P2RY14: variants seen among roughly 807,000 people sequenced by gnomAD.
The protein encoded by P2RY14 is P2Y purinoceptor 14.
P2RY14 carries 2 observed loss-of-function variants against 0.9 expected under a neutral mutation model. That is an observed-to-expected ratio of 2.16 (90% confidence interval 0.88 to 6.79). P2RY14 has a LOEUF of 6.79. P2RY14 is among the 30% of genes most tolerant of loss of function. The pLI is 0.05. For missense variants in P2RY14, 378 were observed against 400.1 expected (o/e 0.94, Z 0.47); for synonymous variants, 158 against 147.2 (o/e 1.07, Z -0.53).
At chr3:151,237,330 G>A (rs1000519932) in intron 1 of P2RY14, among the ~76,000 whole-genome samples, 18 of 140,036 alleles carry the variant, frequency 1.3e-4, no homozygotes, top group Middle Eastern at 4.2e-3. Flanking sequence ...GAGCCACCAC[G>A]CCTGGCTTTT....
rs1314457024 is a variant in P2RY14, at chr3:151,244,936, T to TATCACCACTGATCCCAC, written c.-132-25311_-132-25295dup. Among the ~76,000 whole-genome samples, 3 of 152,302 alleles carry TATCACCACTGATCCCAC rather than the reference T, an allele frequency of 2.0e-5. No individual in the cohort carries two copies. The South Asian group carries it at 6.2e-4, about 32-fold the overall frequency. On this transcript the variant is annotated intron_variant, in intron 1 of 2. Coordinates refer to ENST00000309170, the MANE Select transcript of P2RY14 (RefSeq NM_014879.4). Reference sequence around the variant, plus strand: ...ACCCAATAAAAAATGATAAAGGGGATATCACCACTGATCCCACAGAAATAC... The same window carrying TATCACCACTGATCCCAC: ...ACCCAATAAAAAATGATAAAGGGGATATCACCACTGATCCCACATCACCACTGATCCCACAGAAATAC...
intron 1 of P2RY14, among the ~76,000 whole-genome samples, chr3:151,238,055 A>G (rs1448944992): frequency 6.6e-6 from 1 of 152,220 alleles, no homozygotes; most frequent in Non-Finnish European, 1.5e-5. Flanking sequence ...GGATCAAATT[A>G]TCGTTTTTTT....
At chr3:151,272,186 C>T (rs1290708108) in intron 1 of P2RY14, among the ~76,000 whole-genome samples, 1 of 152,168 alleles carries the variant, frequency 6.6e-6, no homozygotes, top group Non-Finnish European at 1.5e-5. Flanking sequence ...AAAAGGCTTT[C>T]TGGACAATAG....
At chr3:151,266,529 C>T (rs551048782) in intron 1 of P2RY14, among the ~76,000 whole-genome samples, 4 of 152,296 alleles carry the variant, frequency 2.6e-5, no homozygotes, top group Admixed American at 6.5e-5. Context: ...TTAAAAATCG[C>T]GTTTCAATTT....
At chr3:151,249,644 G>A (rs547597707) in intron 1 of P2RY14, among the ~76,000 whole-genome samples, 2 of 152,248 alleles carry the variant, frequency 1.3e-5, no homozygotes, top group Non-Finnish European at 2.9e-5. Context: ...CTGTTATCCT[G>A]ACACATTTCC....
At chr3:151,219,140 A>T (rs1577007368) in intron 2 of P2RY14, among the ~76,000 whole-genome samples, 1 of 152,192 alleles carries the variant, frequency 6.6e-6, no homozygotes, top group African/African-American at 2.4e-5. Context: ...TCAATGCCAA[A>T]GATTCAATCT....
rs1484301081 is a variant in P2RY14 at position 151,247,600 on chromosome 3, C to A, written c.-132-27958G>T. ...ACACAGGAAGGGGAATATCACACTC[C>A]GGGGACTGTTGTGGGGTCGGGGAGG... is the stretch of plus-strand genomic sequence containing the variant. On this transcript the variant is annotated intron_variant, in intron 1 of 2. Transcript: ENST00000309170. Among the ~76,000 whole-genome samples the A allele has an allele frequency of 3.4e-5, 3 of 88,316 alleles. No homozygotes were observed. In the Admixed American group the frequency reaches 4.5e-4, roughly 13 times the overall value. 57.9% of individuals were successfully genotyped at this position (88,316 alleles called of 152,430 possible).
intron 1 of P2RY14, among the ~76,000 whole-genome samples, chr3:151,263,305 T>A (rs1739245725): frequency 6.6e-6 from 1 of 152,090 alleles, no homozygotes; most frequent in African/African-American, 2.4e-5. Context: ...CTCCCCAGAG[T>A]GTCTTAAACT....
chr3:151,231,242 A>G (rs1054168096), intron 1 of P2RY14, among the ~76,000 whole-genome samples: 1 of 152,238 alleles, frequency 6.6e-6, no homozygotes, highest in Non-Finnish European at 1.5e-5. Flanking sequence ...GGACATCACC[A>G]TTTTGCAACC....
At chr3:151,247,191 G>C (rs1488413974) in intron 1 of P2RY14, among the ~76,000 whole-genome samples, 1 of 151,968 alleles carries the variant, frequency 6.6e-6, no homozygotes, top group Non-Finnish European at 1.5e-5. Flanking sequence ...CAACCATTGT[G>C]GAAGTCAGTG....
intron 1 of P2RY14, chr3:151,269,441 A>ACACACACACACACACAC (rs1559962861): frequency 3.5e-5 from 8 of 231,354 alleles, no homozygotes; most frequent in East Asian, 1.3e-4. Context: ...ACACACACAC[A>ACACACACACACACACAC]AAATTCAGAG....
chr3:151,258,806 C>T (rs543466701), intron 1 of P2RY14, among the ~76,000 whole-genome samples: 14 of 144,114 alleles, frequency 9.7e-5, no homozygotes, highest in Admixed American at 1.4e-4. Flanking sequence ...GAGCTGAGAT[C>T]GTGCCACTGC....
At chr3:151,244,670 G>T (rs1023429975) in intron 1 of P2RY14, among the ~76,000 whole-genome samples, 11 of 150,850 alleles carry the variant, frequency 7.3e-5, no homozygotes, top group African/African-American at 2.4e-4. Flanking sequence ...AAGCAGGAAA[G>T]ATCCAAAATT....
intron 1 of P2RY14, among the ~76,000 whole-genome samples, chr3:151,244,084 G>C (rs1319428958): frequency 1.8e-5 from 2 of 112,458 alleles, no homozygotes; most frequent in African/African-American, 5.7e-5. Flanking sequence ...AAATATATAT[G>C]CACCCAATAC....
chr3:151,226,230 G>T (rs1303439980), intron 1 of P2RY14, among the ~76,000 whole-genome samples: 2 of 152,194 alleles, frequency 1.3e-5, no homozygotes, highest in Non-Finnish European at 2.9e-5. Flanking sequence ...ATTGACAAAT[G>T]AGTTGGCTTT....
chr3:151,274,246 T>G (rs567206198), intron 1 of P2RY14, among the ~76,000 whole-genome samples: 3 of 152,250 alleles, frequency 2.0e-5, no homozygotes, highest in Non-Finnish European at 4.4e-5. Context: ...TAACCTGTTA[T>G]TTTGGTTAAC....
intron 1 of P2RY14, among the ~76,000 whole-genome samples, chr3:151,239,871 T>A (rs892746946): frequency 1.3e-4 from 20 of 152,354 alleles, no homozygotes; most frequent in Admixed American, 4.6e-4. Flanking sequence ...CCACATTTTA[T>A]GAAGAGTAAT....
chr3:151,227,279 T>A (rs1730708884), intron 1 of P2RY14, among the ~76,000 whole-genome samples: 1 of 152,182 alleles, frequency 6.6e-6, no homozygotes, highest in African/African-American at 2.4e-5. Context: ...AACTTCCTCC[T>A]CCACCAAAGC....
intron 1 of P2RY14, among the ~76,000 whole-genome samples, chr3:151,225,169 A>C (rs917458703): frequency 6.6e-6 from 1 of 152,124 alleles, no homozygotes; most frequent in African/African-American, 2.4e-5. Context: ...TATGTTTCTA[A>C]GTCATAGACC....
Sources: gnomAD v4.1 joint callset for allele counts (sites outside exome capture counted in the v4.1 genomes callset) on GRCh38, gnomAD v4.1.1 for gene constraint, MANE v1.5 for transcripts, NCBI Gene and HGNC (gene_info 2026-07-23, HGNC 2026-07-21) for gene names.